CACNB2: variants seen among roughly 807,000 people sequenced by gnomAD.
The protein encoded by CACNB2 is voltage-dependent L-type calcium channel subunit beta-2.
In CACNB2, 42 loss-of-function variants were observed where a neutral mutation model predicts 73.3. The ratio of observed to expected loss-of-function variants is 0.57; its 90% CI spans 0.45 to 0.74. The LOEUF (loss-of-function observed/expected upper bound fraction) is 0.74. Among genes scored for constraint, CACNB2 ranks in the 30% least tolerant of loss-of-function variants. The pLI is 0.00. For synonymous variants in CACNB2, 348 were observed against 310.3 expected, an observed-to-expected ratio of 1.12 and a Z score of -1.28; for missense variants, 940 against 853.0, an observed-to-expected ratio of 1.10 and a Z score of -1.27.
At chr10:18,411,734 C>T (rs181892388) in intron 3 of CACNB2, among the ~76,000 whole-genome samples, 1 of 152,264 alleles carries the variant, frequency 6.6e-6, no homozygotes, top group East Asian at 1.9e-4. Context: ...TCTCGAACTC[C>T]TGACCTCAAG....
chr10:18,374,945 A>G (rs2042733573), intron 2 of CACNB2, among the ~76,000 whole-genome samples: 1 of 152,194 alleles, frequency 6.6e-6, no homozygotes, highest in African/African-American at 2.4e-5. Context: ...GTACTTTAGT[A>G]AAAGCAAAAG....
intron 2 of CACNB2, among the ~76,000 whole-genome samples, chr10:18,347,795 A>C (rs1202695694): frequency 6.6e-6 from 1 of 152,208 alleles, no homozygotes; most frequent in Non-Finnish European, 1.5e-5. Flanking sequence ...GATGAGCCTG[A>C]GATCCTTTCT....
chr10:18,280,176 A>G (rs751266843), intron 2 of CACNB2, among the ~76,000 whole-genome samples: 5 of 152,118 alleles, frequency 3.3e-5, no homozygotes, highest in Admixed American at 6.5e-5. Flanking sequence ...TATTACTACT[A>G]TGTGTTGTTT....
chr10:18,290,395 G>A (rs1309363318), intron 2 of CACNB2, among the ~76,000 whole-genome samples: 3 of 151,928 alleles, frequency 2.0e-5, no homozygotes, highest in Non-Finnish European at 4.4e-5. Flanking sequence ...ATATATAAAT[G>A]TCTTTGTGCA....
chr10:18,369,617 G>T (rs1589158801), intron 2 of CACNB2, among the ~76,000 whole-genome samples: 2 of 152,202 alleles, frequency 1.3e-5, no homozygotes, highest in African/African-American at 2.4e-5. Flanking sequence ...GGACAAAAGG[G>T]ATAAGAGGGT....
intron 2 of CACNB2, among the ~76,000 whole-genome samples, chr10:18,369,907 A>G (rs1175264984): frequency 6.6e-6 from 1 of 152,206 alleles, no homozygotes. Flanking sequence ...ACTCTGTCTC[A>G]AAAAATCAAA....
chr10:18,210,847 G>A (rs915551307), intron 2 of CACNB2, among the ~76,000 whole-genome samples: 5 of 152,176 alleles, frequency 3.3e-5, no homozygotes, highest in African/African-American at 1.2e-4. Flanking sequence ...TATGGAAAGT[G>A]GAGTGGTAGT....
intron 3 of CACNB2, among the ~76,000 whole-genome samples, chr10:18,455,685 A>G (rs572730235): frequency 6.6e-6 from 1 of 152,220 alleles, no homozygotes; most frequent in African/African-American, 2.4e-5. Context: ...AGGTTAAGGC[A>G]CTAAGGTTCC....
chr10:18,143,174 G>A (rs1026070414), intron 1 of CACNB2, among the ~76,000 whole-genome samples: 4 of 152,168 alleles, frequency 2.6e-5, no homozygotes, highest in Non-Finnish European at 5.9e-5. Context: ...TGTATTGAGC[G>A]ACAGGGAACT....
intron 2 of CACNB2, among the ~76,000 whole-genome samples, chr10:18,192,611 A>C (rs1056561239): frequency 1.3e-5 from 2 of 152,140 alleles, no homozygotes; most frequent in African/African-American, 4.8e-5. Context: ...CACCTAAGTA[A>C]AATTCCTTAC....
chr10:18,478,401 A>G (rs1589475571), intron 3 of CACNB2, among the ~76,000 whole-genome samples: 1 of 152,324 alleles, frequency 6.6e-6, no homozygotes, highest in East Asian at 1.9e-4. Context: ...GACATTCTTC[A>G]GAACTTATTA....
intron 2 of CACNB2, among the ~76,000 whole-genome samples, chr10:18,185,133 C>T (rs901896873): frequency 6.6e-6 from 1 of 152,056 alleles, no homozygotes; most frequent in African/African-American, 2.4e-5. Context: ...AGCCACCACA[C>T]GCACTTGACT....
At chr10:18,332,367 G>C (rs887442693) in intron 2 of CACNB2, among the ~76,000 whole-genome samples, 6 of 152,100 alleles carry the variant, frequency 3.9e-5, no homozygotes, top group Non-Finnish European at 8.8e-5. Context: ...GGAGCATGTG[G>C]GTGCTGTTTG....
intron 2 of CACNB2, among the ~76,000 whole-genome samples, chr10:18,321,660 A>T (rs1458525380): frequency 1.3e-5 from 2 of 152,160 alleles, no homozygotes; most frequent in Non-Finnish European, 2.9e-5. Flanking sequence ...AAATAAATAC[A>T]CATACTGTGT....
intron 2 of CACNB2, among the ~76,000 whole-genome samples, chr10:18,283,761 A>G (rs1479773489): frequency 6.6e-6 from 1 of 152,166 alleles, no homozygotes; most frequent in Non-Finnish European, 1.5e-5. Context: ...TGGCATATGT[A>G]TACATATGTA....
intron 2 of CACNB2, among the ~76,000 whole-genome samples, chr10:18,375,142 G>T (rs2042743304): frequency 6.6e-6 from 1 of 152,044 alleles, no homozygotes; most frequent in East Asian, 1.9e-4. Flanking sequence ...AGCCCAGGAG[G>T]TTGAGGCTAC....
chr10:18,395,082 T>A (rs1212666201), intron 2 of CACNB2, among the ~76,000 whole-genome samples: 1 of 152,150 alleles, frequency 6.6e-6, no homozygotes, highest in Non-Finnish European at 1.5e-5. Context: ...TGCCTGAGTA[T>A]ATATCACATG....
At chr10:18,536,958 C>T (rs1297475174) in intron 12 of CACNB2, among the ~76,000 whole-genome samples, 1 of 152,182 alleles carries the variant, frequency 6.6e-6, no homozygotes, top group East Asian at 1.9e-4. Context: ...CTATGCTTTA[C>T]ATGCAATGCC....
chr10:18,184,969 A>G (rs2131235251), intron 2 of CACNB2, among the ~76,000 whole-genome samples: 1 of 152,172 alleles, frequency 6.6e-6, no homozygotes, highest in Non-Finnish European at 1.5e-5. Flanking sequence ...CCTCCTGAGT[A>G]GCTGGGACTA....
Sources: allele counts gnomAD v4.1 joint callset (sites outside exome capture counted in the v4.1 genomes callset), GRCh38; gene constraint gnomAD v4.1.1; transcripts MANE v1.5; gene names NCBI Gene and HGNC (gene_info 2026-07-23, HGNC 2026-07-21).